Variants in ADGRL3 observed in about 807,000 individuals in gnomAD.
ADGRL3 encodes adhesion G protein-coupled receptor L3.
ADGRL3 carries 62 observed loss-of-function variants against 153.5 expected under a neutral mutation model. The ratio of observed to expected loss-of-function variants is 0.40; its 90% CI spans 0.33 to 0.50. ADGRL3 has a LOEUF of 0.50. Among genes scored for constraint, ADGRL3 ranks in the 20% least tolerant of loss-of-function variants. ADGRL3 has a pLI of 0.47. For missense variants in ADGRL3, 1,641 were observed against 1,859.4 expected (o/e 0.88, Z 2.16); for synonymous variants, 710 against 672.5 (o/e 1.06, Z -0.86).
chr4:61,444,285 C>A (rs1201934088), intron 2 of ADGRL3, among the ~76,000 whole-genome samples: 1 of 152,120 alleles, frequency 6.6e-6, no homozygotes, highest in East Asian at 1.9e-4. Context: ...GCTTTCCCAG[C>A]CTGGCAATTC....
rs149594926 is a variant in ADGRL3 at position 61,827,061 on chromosome 4, T to C, written c.1480+13172T>C. Reference sequence around the variant, plus strand: ...TTTCTGATCAGATGTAGCAGAATAGTTTAGAAACAGGCATATTCGAATTGC... The same window carrying C: ...TTTCTGATCAGATGTAGCAGAATAGCTTAGAAACAGGCATATTCGAATTGC... On this transcript the variant is annotated intron_variant, in intron 9 of 26. Transcript: ENST00000683033. Among the ~76,000 whole-genome samples, 124 of 152,298 alleles carry C rather than the reference T, an allele frequency of 8.1e-4. 1 individual carries two copies. In the East Asian group the frequency reaches 0.014, roughly 18 times the overall value.
rs1560638723 is a variant in ADGRL3 at position 61,441,902 on chromosome 4, T to C, written c.-173-55219T>C. Among the ~76,000 whole-genome samples the C allele has an allele frequency of 2.6e-5, 4 of 152,200 alleles. No individual in the cohort carries two copies. The South Asian group carries it at 8.3e-4, about 31-fold the overall frequency. ...ATTTTATGCTACCCAGTGAAAATTA[T>C]GAATAGTAGTTTCAAATAAAGGAAT... On this transcript the variant is annotated intron_variant, in intron 2 of 26. Coordinates refer to ENST00000683033, the MANE Select transcript of ADGRL3 (RefSeq NM_001387552.1).
At chr4:61,814,226 ATT>A (rs1187248140) in intron 9 of ADGRL3, among the ~76,000 whole-genome samples, 7 of 143,106 alleles carry the variant, frequency 4.9e-5, no homozygotes, top group Middle Eastern at 3.5e-3. Context: ...CTACTATCTT[ATT>A]TTTTTTTTTT....
intron 17 of ADGRL3, among the ~76,000 whole-genome samples, chr4:61,970,243 G>T (rs531158936): frequency 3.8e-4 from 58 of 152,178 alleles, no homozygotes; most frequent in African/African-American, 1.3e-3. Flanking sequence ...TTATGTGTTG[G>T]TTATTACTGC....
chr4:61,336,510 T>C (rs1279597025), intron 1 of ADGRL3, among the ~76,000 whole-genome samples: 1 of 152,138 alleles, frequency 6.6e-6, no homozygotes, highest in Non-Finnish European at 1.5e-5. Context: ...GTTTGGGCTT[T>C]TCCTCTCTAA....
At chr4:61,898,951 T>G (rs1290080388) in intron 11 of ADGRL3, among the ~76,000 whole-genome samples, 1 of 152,054 alleles carries the variant, frequency 6.6e-6, no homozygotes, top group Non-Finnish European at 1.5e-5. Flanking sequence ...GCTTTCCACT[T>G]GGCAGGCCAC....
At chr4:61,644,469 C>T (rs1289686833) in intron 5 of ADGRL3, among the ~76,000 whole-genome samples, 2 of 152,136 alleles carry the variant, frequency 1.3e-5, no homozygotes, top group African/African-American at 4.8e-5. Flanking sequence ...GAATGCGTCC[C>T]AGAGATTCTG....
chr4:62,024,511 TATA>T lies in ADGRL3; in HGVS notation c.3396-4341_3396-4339del, dbSNP rs577774511. ...TTGAAATATAATAATCTCTGTCATTTATAATGTTTACATGTATATTATGTGACT... is the reference window on the plus strand; with the variant it reads ...TTGAAATATAATAATCTCTGTCATTTATGTTTACATGTATATTATGTGACT... On this transcript the variant is annotated intron_variant, in intron 21 of 26. Transcript: ENST00000683033. Among the ~76,000 whole-genome samples the T allele has an allele frequency of 6.7e-3, 1,025 of 152,294 alleles. 6 individuals are homozygous for T. The highest frequency in any genetic ancestry group is 0.031 in the Middle Eastern group (9 of 292).
At chr4:61,308,654 G>A (rs765664441) in intron 1 of ADGRL3, among the ~76,000 whole-genome samples, 4 of 152,176 alleles carry the variant, frequency 2.6e-5, no homozygotes, top group Non-Finnish European at 5.9e-5. Flanking sequence ...TGCAAAGCTT[G>A]TAGTTTAATT....
intron 9 of ADGRL3, among the ~76,000 whole-genome samples, chr4:61,865,280 A>C (rs920184127): frequency 6.6e-6 from 1 of 152,090 alleles, no homozygotes; most frequent in African/African-American, 2.4e-5. Flanking sequence ...AAAATTCTCT[A>C]AATCTAAGTA....
rs527984053 is a variant in ADGRL3 at position 61,415,908 on chromosome 4, A to G, written c.-174+32719A>G. Among the ~76,000 whole-genome samples the G allele has an allele frequency of 2.6e-5, 4 of 152,206 alleles. No individual in the cohort carries two copies. In the South Asian group the frequency reaches 8.3e-4, roughly 32 times the overall value. Reference sequence around the variant, plus strand: ...ATTTTTTCCAAGTCCTGACACTGACATATGCATATTGCTTCTGAACTGTTT... The same window carrying G: ...ATTTTTTCCAAGTCCTGACACTGACGTATGCATATTGCTTCTGAACTGTTT... On this transcript the variant is annotated intron_variant, in intron 2 of 26. Coordinates refer to ENST00000683033, the MANE Select transcript of ADGRL3 (RefSeq NM_001387552.1).
intron 2 of ADGRL3, among the ~76,000 whole-genome samples, chr4:61,395,095 T>C (rs1001032185): frequency 2.0e-5 from 3 of 152,076 alleles, no homozygotes; most frequent in Non-Finnish European, 4.4e-5. Context: ...TTCAATTTAA[T>C]TTCATACCTG....
intron 5 of ADGRL3, among the ~76,000 whole-genome samples, chr4:61,658,206 A>G (rs2094494663): frequency 6.6e-6 from 1 of 151,946 alleles, no homozygotes; most frequent in Non-Finnish European, 1.5e-5. Context: ...CCAATTTTCC[A>G]CCTTAAATAT....
intron 17 of ADGRL3, among the ~76,000 whole-genome samples, chr4:61,963,044 C>T (rs1029461371): frequency 2.6e-5 from 4 of 151,868 alleles, no homozygotes; most frequent in Non-Finnish European, 5.9e-5. Flanking sequence ...AGAGAAGACA[C>T]CCTAGAGGAA....
At chr4:61,856,557 G>GTC (rs1242580337) in intron 9 of ADGRL3, among the ~76,000 whole-genome samples, 10 of 79,456 alleles carry the variant, frequency 1.3e-4, no homozygotes, top group Admixed American at 3.5e-4. Flanking sequence ...CTCTCTCTCT[G>GTC]TCTCTCTCTC....
At chr4:61,883,155 C>A (rs2098518448) in intron 9 of ADGRL3, among the ~76,000 whole-genome samples, 1 of 152,152 alleles carries the variant, frequency 6.6e-6, no homozygotes, top group African/African-American at 2.4e-5. Context: ...AAGTCGCCTC[C>A]CCCAACACAG....
intron 1 of ADGRL3, among the ~76,000 whole-genome samples, chr4:61,217,130 C>T (rs181715628): frequency 1.3e-5 from 2 of 152,292 alleles, no homozygotes; most frequent in Admixed American, 6.5e-5. Context: ...GAAAGAGCCT[C>T]TGGCTTTATG....
chr4:61,560,396 A>G (rs1242336564), intron 4 of ADGRL3, among the ~76,000 whole-genome samples: 1 of 152,150 alleles, frequency 6.6e-6, no homozygotes, highest in Non-Finnish European at 1.5e-5. Context: ...TGTAAAAAAG[A>G]ATGGTAATCT....
intron 8 of ADGRL3, among the ~76,000 whole-genome samples, chr4:61,777,689 G>A (rs1005006317): frequency 6.6e-6 from 1 of 152,060 alleles, no homozygotes; most frequent in Non-Finnish European, 1.5e-5. Flanking sequence ...ACAAATTCCC[G>A]GGAAAGTGCC....
Sources: allele counts gnomAD v4.1 joint callset (sites outside exome capture counted in the v4.1 genomes callset), GRCh38; gene constraint gnomAD v4.1.1; transcripts MANE v1.5; gene names NCBI Gene and HGNC (gene_info 2026-07-23, HGNC 2026-07-21).